DLG2: variants seen among roughly 807,000 people sequenced by gnomAD.
DLG2 encodes disks large homolog 2.
A neutral mutation model predicts 132.5 loss-of-function variants in DLG2; 45 were observed. That is an observed-to-expected ratio of 0.34 (90% CI 0.27 to 0.44). DLG2 has a LOEUF of 0.44. Among genes scored for constraint, DLG2 ranks in the 20% least tolerant of loss-of-function variants. The pLI, the probability that DLG2 is intolerant of heterozygous loss-of-function variation, is 1.00. For synonymous variants in DLG2, 424 were observed against 419.6 expected, an observed-to-expected ratio of 1.01 and a Z score of -0.13; for missense variants, 1,045 against 1,196.9, an observed-to-expected ratio of 0.87 and a Z score of 1.87.
chr11:84,842,671 C>G (rs114396196), intron 6 of DLG2, among the ~76,000 whole-genome samples: 5 of 151,702 alleles, frequency 3.3e-5, no homozygotes, highest in African/African-American at 1.2e-4. Flanking sequence ...AAAGGTTGTG[C>G]GTAGTAGTAG....
At chr11:85,393,885 G>A (rs1185261180) in intron 3 of DLG2, among the ~76,000 whole-genome samples, 4 of 152,062 alleles carry the variant, frequency 2.6e-5, no homozygotes, top group Non-Finnish European at 2.9e-5. Flanking sequence ...AAAGTGATAC[G>A]ATGGACATTG....
At chr11:84,780,177 T>A (rs2071459889) in intron 6 of DLG2, among the ~76,000 whole-genome samples, 2 of 152,008 alleles carry the variant, frequency 1.3e-5, no homozygotes, top group African/African-American at 4.8e-5. Context: ...ATCAAAAAGA[T>A]TATACACCAT....
chr11:84,445,414 A>T (rs1332755329), intron 7 of DLG2, among the ~76,000 whole-genome samples: 2 of 152,206 alleles, frequency 1.3e-5, no homozygotes, highest in African/African-American at 4.8e-5. Context: ...ACAGATTTGT[A>T]AATCGACAAT....
intron 10 of DLG2, among the ~76,000 whole-genome samples, chr11:84,096,900 GAAA>G (rs34629978): frequency 1.7e-4 from 25 of 147,824 alleles, no homozygotes; most frequent in Non-Finnish European, 2.8e-4. Context: ...ACATTTACCT[GAAA>G]AAAAAAAAAA....
chr11:83,674,888 T>C (rs544240443), intron 18 of DLG2, among the ~76,000 whole-genome samples: 1 of 152,310 alleles, frequency 6.6e-6, no homozygotes, highest in Non-Finnish European at 1.5e-5. Context: ...GAAAAATGAA[T>C]ATTTAGGAGC....
At chr11:85,177,280 TAC>T (rs202151364) in intron 4 of DLG2, among the ~76,000 whole-genome samples, 2,512 of 138,014 alleles carry the variant, frequency 0.018, 49 homozygotes, top group African/African-American at 0.062. Flanking sequence ...TATATATATA[TAC>T]ATATACACAC....
chr11:84,184,038 G>T (rs1021306452), intron 8 of DLG2, among the ~76,000 whole-genome samples: 2 of 151,844 alleles, frequency 1.3e-5, no homozygotes, highest in Non-Finnish European at 2.9e-5. Context: ...ATAAACATAC[G>T]TGTGCACGTG....
intron 14 of DLG2, among the ~76,000 whole-genome samples, chr11:83,931,305 T>C (rs1297906570): frequency 6.6e-6 from 1 of 152,228 alleles, no homozygotes; most frequent in Non-Finnish European, 1.5e-5. Context: ...TGGTAGCTGA[T>C]CTAAACTGCC....
intron 6 of DLG2, among the ~76,000 whole-genome samples, chr11:85,088,841 A>T (rs904937056): frequency 6.6e-6 from 1 of 152,190 alleles, no homozygotes; most frequent in African/African-American, 2.4e-5. Context: ...TCCTCTAAAC[A>T]CTACCTCTAA....
chr11:84,014,730 A>G (rs909195395), intron 11 of DLG2, among the ~76,000 whole-genome samples: 1 of 152,170 alleles, frequency 6.6e-6, no homozygotes, highest in African/African-American at 2.4e-5. Context: ...ATCCGCTGTT[A>G]TGAAAGGCAT....
At chr11:83,585,847 A>G (rs1042261040) in intron 19 of DLG2, among the ~76,000 whole-genome samples, 1 of 147,244 alleles carries the variant, frequency 6.8e-6, no homozygotes, top group Non-Finnish European at 1.5e-5. Context: ...ACACGAGAAC[A>G]AGGTATATCA....
intron 18 of DLG2, among the ~76,000 whole-genome samples, chr11:83,660,980 CCCTGCAG>C (rs2074113837): frequency 1.3e-5 from 2 of 152,130 alleles, no homozygotes; most frequent in Non-Finnish European, 2.9e-5. Context: ...TGAACAACAA[CCCTGCAG>C]ACTGATATTA....
chr11:84,182,291 A>G (rs933553271), intron 8 of DLG2, among the ~76,000 whole-genome samples: 1 of 152,112 alleles, frequency 6.6e-6, no homozygotes, highest in East Asian at 1.9e-4. Flanking sequence ...GAGAAATTGG[A>G]AAGTATTTTG....
rs144878503 is a variant in DLG2 at position 83,509,556 on chromosome 11, T to C, written c.2193+23152A>G. ...CATGGTACTCCATCTCTCAGACTTATGGTACCCCATCTCTTATGGTACTCC... is the reference window on the plus strand; with the variant it reads ...CATGGTACTCCATCTCTCAGACTTACGGTACCCCATCTCTTATGGTACTCC... On this transcript the variant is annotated intron_variant, in intron 21 of 27. Transcript: ENST00000376104. Among the ~76,000 whole-genome samples, 286 of 152,304 alleles carry C rather than the reference T, an allele frequency of 1.9e-3. 4 individuals are homozygous for C. The highest frequency in any genetic ancestry group is 6.6e-3 in the African/African-American group (276 of 41,566).
At chr11:83,590,910 C>T (rs200123133) in intron 19 of DLG2, among the ~76,000 whole-genome samples, 45,058 of 148,750 alleles carry the variant, frequency 0.3, 7,738 homozygotes, top group East Asian at 0.48. Context: ...ATAAATTCCT[C>T]GACACATACA....
At chr11:85,394,480 G>A (rs977671556) in intron 3 of DLG2, among the ~76,000 whole-genome samples, 4 of 152,224 alleles carry the variant, frequency 2.6e-5, no homozygotes, top group Admixed American at 6.5e-5. Flanking sequence ...ACTGATGTCT[G>A]TGCCACCTGC....
chr11:83,546,140 A>G (rs1293340863), intron 19 of DLG2, among the ~76,000 whole-genome samples: 4 of 152,104 alleles, frequency 2.6e-5, no homozygotes, highest in Non-Finnish European at 5.9e-5. Flanking sequence ...GAAGTCTAGT[A>G]AGGGAAGAGT....
chr11:85,126,075 A>G (rs1041479165), intron 5 of DLG2, among the ~76,000 whole-genome samples: 2 of 152,222 alleles, frequency 1.3e-5, no homozygotes, highest in African/African-American at 4.8e-5. Context: ...TAGAAAAAAA[A>G]ATAACAAATG....
chr11:85,080,257 T>C (rs996020494), intron 6 of DLG2, among the ~76,000 whole-genome samples: 1 of 152,048 alleles, frequency 6.6e-6, no homozygotes, highest in Non-Finnish European at 1.5e-5. Flanking sequence ...GGTTTTAAAT[T>C]GGGAGGATAT....
Sources: allele counts gnomAD v4.1 joint callset (sites outside exome capture counted in the v4.1 genomes callset), GRCh38; gene constraint gnomAD v4.1.1; transcripts MANE v1.5; gene names NCBI Gene and HGNC (gene_info 2026-07-23, HGNC 2026-07-21).